The following ROBO1 variants were observed in gnomAD, a reference collection of about 807,000 sequenced individuals.
The protein encoded by ROBO1 is roundabout guidance receptor 1.
ROBO1 carries 149 observed loss-of-function variants against 195.9 expected under a neutral mutation model. That is an observed-to-expected ratio of 0.76 (90% CI 0.67 to 0.87). The LOEUF is 0.87. Among genes scored for constraint, ROBO1 ranks in the 40% least tolerant of loss-of-function variants. The probability of loss-of-function intolerance (pLI) is 0.00; values close to 1 mark genes in which losing one functional copy is unlikely to be tolerated. For synonymous variants in ROBO1, 816 were observed against 733.2 expected, an observed-to-expected ratio of 1.11 and a Z score of -1.82; for missense variants, 1,933 against 2,068.3, an observed-to-expected ratio of 0.93 and a Z score of 1.27.
intron 1 of ROBO1, among the ~76,000 whole-genome samples, chr3:79,691,231 A>G (rs566984949): frequency 6.6e-6 from 1 of 151,924 alleles, no homozygotes; most frequent in East Asian, 1.9e-4. Context: ...ATTTACAGCT[A>G]TAGAACAGGA....
Position 79,018,833 on chromosome 3 carries a change from C to A in ROBO1, c.173-79906G>T, listed in dbSNP as rs375264441. On this transcript the variant is annotated intron_variant, in intron 3 of 30. Coordinates refer to ENST00000464233, the MANE Select transcript of ROBO1 (RefSeq NM_002941.4). ...TGCGCCCCCACAATGTGCGGCCGAG[C>A]GCCGCTGCGAGGGCAGGCGCGGCGG... 5 of 1,011,120 alleles carry A rather than the reference C, an allele frequency of 4.9e-6. No homozygotes were observed. In the East Asian group the frequency reaches 2.7e-4, roughly 55 times the overall value. The allele number at this position is 1,011,120 out of a possible 1,614,324, so 62.6% of individuals were successfully genotyped here.
At position 79,729,496 on chromosome 3, in the gene ROBO1, C is replaced by T. The variant is rs150383152; in HGVS notation, c.-51+38256G>A. Among the ~76,000 whole-genome samples the T allele has an allele frequency of 6.3e-3, 965 of 152,198 alleles. 6 individuals are homozygous for T. The highest frequency in any genetic ancestry group is 0.02 in the African/African-American group (837 of 41,532). On this transcript the variant is annotated intron_variant, in intron 1 of 30. Coordinates refer to ENST00000464233, the MANE Select transcript of ROBO1 (RefSeq NM_002941.4). ...ACAATCTCACTTAGAAAAAAAAGTGCTGTGTTTGTTTATTATTGACTGTTT... is the reference window on the plus strand; with the variant it reads ...ACAATCTCACTTAGAAAAAAAAGTGTTGTGTTTGTTTATTATTGACTGTTT...
intron 2 of ROBO1, among the ~76,000 whole-genome samples, chr3:79,581,871 C>CAT (rs1943672931): frequency 6.6e-6 from 1 of 151,898 alleles, no homozygotes; most frequent in South Asian, 2.1e-4. Flanking sequence ...AAGAACAAAT[C>CAT]ATATATATAC....
chr3:79,622,631 C>T (rs1576133908), intron 1 of ROBO1, among the ~76,000 whole-genome samples: 1 of 152,182 alleles, frequency 6.6e-6, no homozygotes, highest in East Asian at 1.9e-4. Flanking sequence ...GTTGGGCTTC[C>T]CTGCAGGAAC....
Position 78,661,121 on chromosome 3 carries a change from CT to C in ROBO1, c.2228del (p.Lys743ArgfsTer40). 1 of 1,613,696 alleles carries C rather than the reference CT, an allele frequency of 6.2e-7. No individual in the cohort carries two copies. Among genetic ancestry groups the C allele is most frequent in the Non-Finnish European group, 8.5e-7 (1 of 1,179,818 alleles). On this transcript the variant is annotated frameshift_variant, in exon 16 of 31. Coordinates refer to ENST00000464233, the MANE Select transcript of ROBO1 (RefSeq NM_002941.4). LOFTEE classifies it high-confidence loss of function. ...GAGCCTTAATTTCATAGTTGACTCC[CT>C]TTCTGAGATCAGGGATTACCACACT... ...KNSVVIPDLR[K>X]GVNYEIKARP... is the part of the protein sequence containing the mutation.
At chr3:78,908,337 G>A (rs1039037243) in intron 4 of ROBO1, among the ~76,000 whole-genome samples, 6 of 151,736 alleles carry the variant, frequency 4.0e-5, no homozygotes, top group Admixed American at 3.3e-4. Context: ...ACTATATCTG[G>A]TGACCAGAGG....
chr3:79,714,400 G>A (rs2107251152), intron 1 of ROBO1, among the ~76,000 whole-genome samples: 1 of 152,220 alleles, frequency 6.6e-6, no homozygotes, highest in Middle Eastern at 3.4e-3. Context: ...CACTGTTGGT[G>A]GGAATGTAAA....
intron 2 of ROBO1, among the ~76,000 whole-genome samples, chr3:79,298,892 A>C (rs2032737611): frequency 6.6e-6 from 1 of 152,172 alleles, no homozygotes; most frequent in Non-Finnish European, 1.5e-5. Flanking sequence ...TACAGGTTAA[A>C]TCCTGTCACT....
chr3:79,147,020 A>G (rs2080666995), intron 2 of ROBO1, among the ~76,000 whole-genome samples: 1 of 151,992 alleles, frequency 6.6e-6, no homozygotes, highest in South Asian at 2.1e-4. Flanking sequence ...AAGTATTAAC[A>G]TATCCAAGGT....
At chr3:79,686,362 T>G (rs1947112642) in intron 1 of ROBO1, among the ~76,000 whole-genome samples, 1 of 152,160 alleles carries the variant, frequency 6.6e-6, no homozygotes, top group South Asian at 2.1e-4. Context: ...TGTTGGAAGT[T>G]CTGGCCAGGG....
chr3:79,440,315 C>T (rs1223124448), intron 2 of ROBO1, among the ~76,000 whole-genome samples: 3 of 152,096 alleles, frequency 2.0e-5, no homozygotes, highest in African/African-American at 7.2e-5. Context: ...ATTACCTGCA[C>T]TTCCAACACT....
At chr3:79,764,816 T>A (rs1704898393) in intron 1 of ROBO1, among the ~76,000 whole-genome samples, 1 of 152,302 alleles carries the variant, frequency 6.6e-6, no homozygotes, top group South Asian at 2.1e-4. Flanking sequence ...TAAAAGAAAA[T>A]TATACAGAAC....
At chr3:79,386,281 T>C (rs2036741632) in intron 2 of ROBO1, among the ~76,000 whole-genome samples, 1 of 152,166 alleles carries the variant, frequency 6.6e-6, no homozygotes, top group African/African-American at 2.4e-5. Flanking sequence ...TCTATTTATA[T>C]AAGTAATTTT....
chr3:78,778,027 G>A (rs373733165), intron 4 of ROBO1, among the ~76,000 whole-genome samples: 6 of 152,122 alleles, frequency 3.9e-5, no homozygotes, highest in East Asian at 1.9e-4. Context: ...CTATTTTATT[G>A]AGAGTTTTTA....
chr3:79,111,120 G>A (rs1037747096), intron 3 of ROBO1, among the ~76,000 whole-genome samples: 6 of 152,058 alleles, frequency 3.9e-5, no homozygotes, highest in Non-Finnish European at 7.4e-5. Flanking sequence ...GCTTCTGATC[G>A]CTCTGACTCA....
At chr3:79,148,108 CAAT>C (rs755581790) in intron 2 of ROBO1, among the ~76,000 whole-genome samples, 18 of 151,688 alleles carry the variant, frequency 1.2e-4, no homozygotes, top group Non-Finnish European at 2.4e-4. Flanking sequence ...ATGTAGGCCG[CAAT>C]AATTATTCTT....
chr3:79,571,806 C>T (rs1943286973), intron 2 of ROBO1, among the ~76,000 whole-genome samples: 1 of 152,072 alleles, frequency 6.6e-6, no homozygotes, highest in Admixed American at 6.5e-5. Flanking sequence ...ATTTAACTTA[C>T]TTCTGGCAAC....
At chr3:79,426,103 G>C (rs7624099) in intron 2 of ROBO1, among the ~76,000 whole-genome samples, 55,814 of 151,904 alleles carry the variant, frequency 0.37, 10,882 homozygotes, top group Admixed American at 0.49. Flanking sequence ...ATTCCGTCTA[G>C]ATACACGTGT....
chr3:78,833,990 G>C (rs925351657), intron 4 of ROBO1, among the ~76,000 whole-genome samples: 7 of 152,078 alleles, frequency 4.6e-5, no homozygotes, highest in African/African-American at 1.7e-4. Context: ...GGGATGGGAA[G>C]CTTATTTAAG....
Sources: gnomAD v4.1 joint callset for allele counts (sites outside exome capture counted in the v4.1 genomes callset) on GRCh38, gnomAD v4.1.1 for gene constraint, MANE v1.5 for transcripts, NCBI Gene and HGNC (gene_info 2026-07-23, HGNC 2026-07-21) for gene names.